The following LEKR1 variants were observed in gnomAD, a reference collection of about 807,000 sequenced individuals.
LEKR1 encodes protein LEKR1.
LEKR1 carries 59 observed loss-of-function variants against 72.4 expected under a neutral mutation model. The observed-to-expected ratio is 0.82, with a 90% CI of 0.66 to 1.01. The LOEUF is 1.01. LEKR1 is among the 50% of genes least tolerant of loss of function. LEKR1 has a pLI of 0.00. For synonymous variants in LEKR1, 257 were observed against 263.2 expected, an observed-to-expected ratio of 0.98 and a Z score of 0.23; for missense variants, 728 against 759.2, an observed-to-expected ratio of 0.96 and a Z score of 0.48.
chr3:156,880,750 A>T (rs1719209100), intron 3 of LEKR1, among the ~76,000 whole-genome samples: 1 of 152,232 alleles, frequency 6.6e-6, no homozygotes, highest in South Asian at 2.1e-4. Flanking sequence ...AAAAATCCTC[A>T]ATAAAATACT....
At chr3:157,031,532 A>T (rs1734610669) in intron 12 of LEKR1, among the ~76,000 whole-genome samples, 1 of 152,178 alleles carries the variant, frequency 6.6e-6, no homozygotes, top group Admixed American at 6.6e-5. Context: ...AGCATGCCAG[A>T]GTCCAAAATA....
chr3:156,957,908 C>A (rs924237620), intron 6 of LEKR1, among the ~76,000 whole-genome samples: 2 of 152,026 alleles, frequency 1.3e-5, no homozygotes, highest in African/African-American at 4.8e-5. Flanking sequence ...CCATGCCTGA[C>A]CCCACATAAT....
intron 6 of LEKR1, among the ~76,000 whole-genome samples, chr3:156,946,911 A>G (rs1329894290): frequency 6.6e-6 from 1 of 151,254 alleles, no homozygotes; most frequent in Non-Finnish European, 1.5e-5. Context: ...GCCTCTAATG[A>G]TAAACAATAT....
At chr3:156,862,450 A>G (rs1311761888) in intron 3 of LEKR1, among the ~76,000 whole-genome samples, 1 of 152,054 alleles carries the variant, frequency 6.6e-6, no homozygotes, top group Non-Finnish European at 1.5e-5. Flanking sequence ...ACCTAATCCT[A>G]TGACTTTGCC....
chr3:156,863,900 A>C (rs776660638), intron 3 of LEKR1, among the ~76,000 whole-genome samples: 18 of 152,040 alleles, frequency 1.2e-4, no homozygotes, highest in Non-Finnish European at 2.9e-5. Flanking sequence ...TTGTACAAAA[A>C]GCCATCCAGT....
intron 3 of LEKR1, among the ~76,000 whole-genome samples, chr3:156,869,758 GT>G (rs199918599): frequency 0.033 from 4,835 of 146,624 alleles, 117 homozygotes; most frequent in Non-Finnish European, 0.048. Context: ...TGCTTTTGAG[GT>G]CTTAGCTATA....
chr3:156,879,614 T>C (rs1167727893), intron 3 of LEKR1, among the ~76,000 whole-genome samples: 1 of 152,046 alleles, frequency 6.6e-6, no homozygotes, highest in Admixed American at 6.5e-5. Context: ...ACCAAGACAA[T>C]GGGAAAATGT....
intron 11 of LEKR1, among the ~76,000 whole-genome samples, chr3:157,027,181 C>CTT (rs1209119985): frequency 1.4e-5 from 2 of 144,494 alleles, no homozygotes; most frequent in East Asian, 4.0e-4. Context: ...ACAAATCTTG[C>CTT]TTTTTTTTTT....
intron 6 of LEKR1, among the ~76,000 whole-genome samples, chr3:156,953,034 A>G (rs1727305476): frequency 6.6e-6 from 1 of 151,466 alleles, no homozygotes; most frequent in African/African-American, 2.4e-5. Context: ...TATGTGTATT[A>G]TTATTTACTT....
At chr3:156,848,639 A>G (rs1714927808) in intron 2 of LEKR1, among the ~76,000 whole-genome samples, 1 of 152,228 alleles carries the variant, frequency 6.6e-6, no homozygotes, top group Non-Finnish European at 1.5e-5. Context: ...TAATGATCAG[A>G]TTAAGAGTTG....
intron 3 of LEKR1, among the ~76,000 whole-genome samples, chr3:156,915,197 T>G (rs1723512546): frequency 6.6e-6 from 1 of 152,188 alleles, no homozygotes; most frequent in Non-Finnish European, 1.5e-5. Context: ...ATATTGTGAA[T>G]AGTGCTGCAG....
intron 5 of LEKR1, among the ~76,000 whole-genome samples, chr3:156,933,627 A>G (rs988512468): frequency 1.3e-5 from 2 of 152,286 alleles, no homozygotes; most frequent in Middle Eastern, 3.4e-3. Context: ...TGTGAATTCA[A>G]TCATACTAGA....
chr3:156,893,588 T>C (rs1720876453), intron 3 of LEKR1, among the ~76,000 whole-genome samples: 1 of 152,036 alleles, frequency 6.6e-6, no homozygotes, highest in Non-Finnish European at 1.5e-5. Context: ...TCTAATTGTT[T>C]AAAAGTGTGT....
chr3:156,988,694 G>A, intron 7 of LEKR1: 1 of 232,740 alleles, frequency 4.3e-6, no homozygotes, highest in Admixed American at 4.3e-5. Context: ...CAAAGCACTT[G>A]TTTGTCTCTG....
chr3:156,869,680 T>A (rs1717697271), intron 3 of LEKR1, among the ~76,000 whole-genome samples: 1 of 152,264 alleles, frequency 6.6e-6, no homozygotes, highest in African/African-American at 2.4e-5. Flanking sequence ...GTTGATTGTT[T>A]CCTTTGCTGT....
intron 2 of LEKR1, among the ~76,000 whole-genome samples, chr3:156,849,568 C>G (rs960782115): frequency 4.1e-4 from 63 of 152,236 alleles, no homozygotes; most frequent in Middle Eastern, 6.8e-3. Flanking sequence ...AGATATAGAC[C>G]AGTGGAACAG....
chr3:156,894,136 C>G (rs1186179827), intron 3 of LEKR1, among the ~76,000 whole-genome samples: 1 of 152,188 alleles, frequency 6.6e-6, no homozygotes, highest in Non-Finnish European at 1.5e-5. Flanking sequence ...GGAGTATCCT[C>G]TGAAAGGGAT....
chr3:156,835,635 T>G (rs1422157586), intron 2 of LEKR1, among the ~76,000 whole-genome samples: 4 of 152,150 alleles, frequency 2.6e-5, no homozygotes, highest in Non-Finnish European at 5.9e-5. Flanking sequence ...AGAACATGGT[T>G]TTCTTATTCG....
chr3:156,978,826 T>C (rs1183323776), intron 6 of LEKR1, among the ~76,000 whole-genome samples: 1 of 152,190 alleles, frequency 6.6e-6, no homozygotes, highest in African/African-American at 2.4e-5. Context: ...AAAAGTGAGC[T>C]CAGGCAATCA....
Sources: allele counts gnomAD v4.1 joint callset (sites outside exome capture counted in the v4.1 genomes callset), GRCh38; gene constraint gnomAD v4.1.1; transcripts MANE v1.5; gene names NCBI Gene and HGNC (gene_info 2026-07-23, HGNC 2026-07-21).